Variants in JCAD observed in about 807,000 individuals in gnomAD.
JCAD encodes junctional cadherin 5-associated protein.
JCAD carries 40 observed loss-of-function variants against 98.0 expected under a neutral mutation model. The observed-to-expected ratio is 0.41, with a 90% confidence interval of 0.32 to 0.53. The LOEUF (loss-of-function observed/expected upper bound fraction) is 0.53. JCAD is among the 20% of genes least tolerant of loss of function. The pLI is 0.31. For missense variants in JCAD, 1,705 were observed against 1,738.1 expected, an observed-to-expected ratio of 0.98 and a Z score of 0.34; for synonymous variants, 691 against 682.3, an observed-to-expected ratio of 1.01 and a Z score of -0.20.
intron 3 of JCAD, among the ~76,000 whole-genome samples, chr10:30,019,845 C>A (rs1358900600): frequency 6.6e-6 from 1 of 151,942 alleles, no homozygotes; most frequent in African/African-American, 2.4e-5. Context: ...GTACTCATTT[C>A]ACAATCTATA....
chr10:30,016,533 G>T lies in JCAD; in HGVS notation c.*1350C>A, dbSNP rs1161569534. ...GCAGGTTAATGCAGTATTAAACACA[G>T]TAGAATACATAGGCCTCATAATGCT... On this transcript the variant is annotated 3_prime_UTR_variant, in exon 4 of 4. Transcript: ENST00000375377. 6.6e-6 allele frequency: 1 copy of T among 152,116 alleles called. No homozygotes were observed. The highest frequency in any genetic ancestry group is 2.4e-5 in the African/African-American group (1 of 41,418). 9.4% of individuals were successfully genotyped at this position (152,116 alleles called of 1,614,324 possible). A position where few individuals can be genotyped will look rare whatever the true frequency, so the allele number is the denominator to read the frequency against.
At chr10:30,021,412 C>T (rs1211694342) in intron 3 of JCAD, among the ~76,000 whole-genome samples, 2 of 152,138 alleles carry the variant, frequency 1.3e-5, no homozygotes, top group Non-Finnish European at 2.9e-5. Context: ...GTTGCCCAGG[C>T]TGGTTTTGGG....
Position 30,109,245 on chromosome 10 carries a change from G to T in JCAD, n.128+6122C>A, listed in dbSNP as rs116086773. ...AAAGAAGCCACAGTAGATTCTTGAGGCTGCCTGTACCAGGGGCATCATCAC... is the reference window on the plus strand; with the variant it reads ...AAAGAAGCCACAGTAGATTCTTGAGTCTGCCTGTACCAGGGGCATCATCAC... On this transcript the variant is annotated intron_variant and non_coding_transcript_variant, in intron 1 of 2. Coordinates refer to the JCAD transcript ENST00000465712. 5.1e-3 allele frequency among the ~76,000 whole-genome samples: 772 copies of T among 152,292 alleles called. 2 individuals are homozygous for T. The highest frequency in any genetic ancestry group is 0.017 in the African/African-American group (722 of 41,560).
chr10:30,068,557 T>C (rs1047447794), intron 2 of JCAD, among the ~76,000 whole-genome samples: 1 of 152,192 alleles, frequency 6.6e-6, no homozygotes, highest in Non-Finnish European at 1.5e-5. Context: ...TGATACTTGG[T>C]TCAGCTACTG....
chr10:30,039,812 T>C (rs1383950337), intron 2 of JCAD, among the ~76,000 whole-genome samples: 1 of 151,936 alleles, frequency 6.6e-6, no homozygotes, highest in African/African-American at 2.4e-5. Flanking sequence ...ACCACGGCTG[T>C]CCAGTGGAAC....
intron 1 of JCAD, among the ~76,000 whole-genome samples, chr10:30,107,114 A>T (rs1838599302): frequency 6.6e-6 from 1 of 151,122 alleles, no homozygotes. Flanking sequence ...ACAAATACTC[A>T]TTTGATTGTC....
intron 1 of JCAD, among the ~76,000 whole-genome samples, chr10:30,070,889 T>TTTGTTG (rs1027763190): frequency 6.6e-6 from 1 of 152,106 alleles, no homozygotes. Flanking sequence ...ATACAGTGTT[T>TTTGTTG]TTGTTGTTGT....
At chr10:30,019,109 A>T (rs986742972) in intron 3 of JCAD, among the ~76,000 whole-genome samples, 1 of 152,114 alleles carries the variant, frequency 6.6e-6, no homozygotes, top group Non-Finnish European at 1.5e-5. Flanking sequence ...TAATCCCAGC[A>T]CTTTGGGAGG....
rs772446869 is a variant in JCAD, at chr10:30,029,127, C to T, written c.1021G>A (p.Val341Met). ...SDPGLEPPVY[V>M]PPPSYRSPPQ... ...GGCGATCTGTATGAGGGCGGAGGCACGTACACTGGAGGTTCCAATCCAGGG... is the reference window on the plus strand; with the variant it reads ...GGCGATCTGTATGAGGGCGGAGGCATGTACACTGGAGGTTCCAATCCAGGG... The change falls in exon 3 of 4, where the codon GTG (valine) becomes ATG (methionine). Residue 341 changes from valine (V) to methionine (M), a missense_variant. Transcript: ENST00000375377. The T allele has an allele frequency of 2.5e-6, 4 of 1,614,048 alleles. No individual in the cohort carries two copies. Among genetic ancestry groups the T allele is most frequent in the Non-Finnish European group, 3.4e-6 (4 of 1,180,044 alleles).
intron 1 of JCAD, among the ~76,000 whole-genome samples, chr10:30,055,140 T>G (rs1837543625): frequency 6.6e-6 from 1 of 152,204 alleles, no homozygotes; most frequent in Non-Finnish European, 1.5e-5. Context: ...CAAAATCACA[T>G]GTGCTGCTGA....
intron 3 of JCAD, among the ~76,000 whole-genome samples, chr10:30,023,018 C>T (rs761099524): frequency 2.8e-4 from 42 of 151,946 alleles, no homozygotes; most frequent in Non-Finnish European, 4.4e-4. Flanking sequence ...ATATTTTATG[C>T]CATATTTTTA....
chr10:30,051,211 C>G (rs2132648095), intron 1 of JCAD, among the ~76,000 whole-genome samples: 1 of 152,212 alleles, frequency 6.6e-6, no homozygotes, highest in Middle Eastern at 3.4e-3. Context: ...CTCCTTTATT[C>G]TCTAGGAGCA....
intron 1 of JCAD, among the ~76,000 whole-genome samples, chr10:30,058,489 G>A (rs1813888051): frequency 1.3e-5 from 2 of 152,200 alleles, no homozygotes; most frequent in African/African-American, 2.4e-5. Flanking sequence ...GGTAGCGCTG[G>A]CCTAAAGTTC....
chr10:30,078,062 C>A (rs562214316), intron 1 of JCAD, among the ~76,000 whole-genome samples: 1 of 152,186 alleles, frequency 6.6e-6, no homozygotes, highest in Admixed American at 6.6e-5. Context: ...TCTCCATATC[C>A]CTGCCAATAT....
At chr10:30,109,419 G>A (rs1379996946) in intron 1 of JCAD, among the ~76,000 whole-genome samples, 1 of 152,074 alleles carries the variant, frequency 6.6e-6, no homozygotes, top group African/African-American at 2.4e-5. Flanking sequence ...AGACTTCCAA[G>A]TTCAAAACTT....
At chr10:30,110,596 G>A (rs535733996) in intron 1 of JCAD, among the ~76,000 whole-genome samples, 1 of 152,228 alleles carries the variant, frequency 6.6e-6, no homozygotes, top group African/African-American at 2.4e-5. Context: ...ACGCACTGAT[G>A]TATGGACCAG....
chr10:30,048,090 G>A (rs952397997), intron 1 of JCAD, among the ~76,000 whole-genome samples: 1 of 152,162 alleles, frequency 6.6e-6, no homozygotes, highest in East Asian at 1.9e-4. Flanking sequence ...ATGATGTGGT[G>A]GAACCCTGAG....
rs561305333 is a variant in JCAD, at chr10:30,027,342, G to C, written c.2806C>G (p.Arg936Gly). The C allele has an allele frequency of 3.3e-5, 53 of 1,612,686 alleles. 1 individual carries two copies. The South Asian group carries it at 5.5e-4, about 17-fold the overall frequency. Residue 936 changes from arginine to glycine, a missense_variant, in exon 3 of 4, where the codon CGC becomes GGC. This residue lies in a region of JCAD where 1,278 missense variants were observed against 1,243.1 expected (regional missense o/e 1.03). Coordinates refer to ENST00000375377, the MANE Select transcript of JCAD (RefSeq NM_020848.4). ...RAWPPSPGRF[R>G]VEEGGGAPFC... ...GGTGCACCGCCACCTTCTTCCACGC[G>C]AAAGCGGCCCGGGGATGGAGGCCAG...
Position 30,026,878 on chromosome 10 carries a change from C to A in JCAD, c.3270G>T (p.Leu1090=), listed in dbSNP as rs1282751241. 3 of 1,613,936 alleles carry A rather than the reference C, an allele frequency of 1.9e-6. No individual in the cohort carries two copies. In the African/African-American group the frequency reaches 4.0e-5, roughly 22 times the overall value. The change falls in exon 3 of 4, where the codon CTG becomes CTT. Residue 1090 remains leucine (L), a synonymous_variant. Transcript: ENST00000375377. ...GGGACTCCACCGCCACCTCAATGCC[C>A]AGGATCCTTGCAGCCCTGGCTTGCA... ...ESLQARAARI[L]GIEVAVESLL...
Sources: allele counts gnomAD v4.1 joint callset (sites outside exome capture counted in the v4.1 genomes callset), GRCh38; gene constraint gnomAD v4.1.1; regional missense constraint gnomAD v4.1.1; transcripts MANE v1.5; gene names NCBI Gene and HGNC (gene_info 2026-07-23, HGNC 2026-07-21).